The following TYW3 variants were observed in gnomAD, a reference collection of about 807,000 sequenced individuals.
TYW3 encodes tRNA wybutosine-synthesizing protein 3 homolog.
Under a neutral mutation model 23.1 loss-of-function variants are expected in TYW3, and 26 were observed. The observed-to-expected ratio is 1.13, with a 90% CI of 0.83 to 1.56. The LOEUF (loss-of-function observed/expected upper bound fraction) is 1.56, where lower values mean the gene tolerates loss of function less well. Among genes scored for constraint, TYW3 ranks in the 40% most tolerant of loss-of-function variants. The pLI, the probability that TYW3 is intolerant of heterozygous loss-of-function variation, is 0.00. For missense variants in TYW3, 316 were observed against 311.9 expected (o/e 1.01, Z -0.10); for synonymous variants, 102 against 105.7 (o/e 0.97, Z 0.21).
intron 4 of TYW3, among the ~76,000 whole-genome samples, chr1:74,749,752 G>A (rs1278899566): frequency 6.6e-6 from 1 of 151,918 alleles, no homozygotes; most frequent in African/African-American, 2.4e-5. Context: ...GAATCACGAG[G>A]TCAAGAGATC....
rs1253021018 is a variant in TYW3, at chr1:74,766,415, T to G, written c.*2302T>G. 1.3e-5 allele frequency: 2 copies of G among 152,120 alleles called. No homozygotes were observed. Among genetic ancestry groups the G allele is most frequent in the Admixed American group, 1.3e-4 (2 of 15,238 alleles). The allele number at this position is 152,120 out of a possible 1,614,324, so 9.4% of individuals were successfully genotyped here. On this transcript the variant is annotated 3_prime_UTR_variant, in exon 6 of 6. Coordinates refer to ENST00000370867, the MANE Select transcript of TYW3 (RefSeq NM_138467.3). ...ATGTGGAGGAGGAAGACAGTGATAC[T>G]GAGGATTCTGACCCTGTGTAGGCTT... is the stretch of plus-strand genomic sequence containing the variant.
chr1:74,736,885 C>A (rs1382640905), intron 2 of TYW3, among the ~76,000 whole-genome samples: 1 of 152,168 alleles, frequency 6.6e-6, no homozygotes, highest in Non-Finnish European at 1.5e-5. Context: ...CTATTGGATC[C>A]AAATTTTGAA....
intron 5 of TYW3, among the ~76,000 whole-genome samples, chr1:74,752,897 C>G (rs920360181): frequency 6.6e-6 from 1 of 151,012 alleles, no homozygotes; most frequent in African/African-American, 2.4e-5. Context: ...AGTTTAATAC[C>G]AAACTCTTGT....
chr1:74,750,682 C>T (rs1318056467), intron 4 of TYW3, among the ~76,000 whole-genome samples: 1 of 152,150 alleles, frequency 6.6e-6, no homozygotes, highest in African/African-American at 2.4e-5. Flanking sequence ...ACTTATGCTC[C>T]AGCTATATAG....
In TYW3 at chr1:74,765,999, A is replaced by C. The variant is rs893574031; in HGVS notation, c.*1886A>C. The C allele has an allele frequency of 6.6e-6, 1 of 151,984 alleles. No individual in the cohort carries two copies. Among genetic ancestry groups the C allele is most frequent in the Non-Finnish European group, 1.5e-5 (1 of 67,964 alleles). 9.4% of individuals were successfully genotyped at this position (151,984 alleles called of 1,614,324 possible). A position where few individuals can be genotyped will look rare whatever the true frequency, so the allele number is the denominator to read the frequency against. ...TCCTTAATATACATTCATGAGCTAC[A>C]TAACATTTTAATCATCAATGATGGA... On this transcript the variant is annotated 3_prime_UTR_variant, in exon 6 of 6. Transcript: ENST00000370867.
At chr1:74,763,218 C>G (rs963825845) in intron 5 of TYW3, among the ~76,000 whole-genome samples, 1 of 151,898 alleles carries the variant, frequency 6.6e-6, no homozygotes, top group Non-Finnish European at 1.5e-5. Flanking sequence ...ATGTTTATGC[C>G]TTTTAACGAT....
intron 4 of TYW3, among the ~76,000 whole-genome samples, chr1:74,749,445 ACTTGCTTT>A (rs1648699566): frequency 6.6e-6 from 1 of 152,152 alleles, no homozygotes; most frequent in Admixed American, 6.5e-5. Flanking sequence ...GATCTTTAAG[ACTTGCTTT>A]CTTTTTGAGT....
chr1:74,763,106 T>A (rs187441671), intron 5 of TYW3, among the ~76,000 whole-genome samples: 1 of 152,290 alleles, frequency 6.6e-6, no homozygotes, highest in Admixed American at 6.5e-5. Flanking sequence ...ATGGGAATAT[T>A]CAGTGTATAG....
chr1:74,764,997 A>G lies in TYW3; in HGVS notation c.*884A>G, dbSNP rs2100782356. The G allele has an allele frequency of 6.6e-6, 1 of 152,226 alleles. No homozygotes were observed. Among genetic ancestry groups the G allele is most frequent in the South Asian group, 2.1e-4 (1 of 4,810 alleles). 9.4% of individuals were successfully genotyped at this position (152,226 alleles called of 1,614,324 possible). A position where few individuals can be genotyped will look rare whatever the true frequency, so the allele number is the denominator to read the frequency against. On this transcript the variant is annotated 3_prime_UTR_variant, in exon 6 of 6. Transcript: ENST00000370867. Reference sequence around the variant, plus strand: ...TGGAGGTAGACAGTGTTTCCTTAATATGGCTGCATATCAGAATTACCTAGG... The same window carrying G: ...TGGAGGTAGACAGTGTTTCCTTAATGTGGCTGCATATCAGAATTACCTAGG...
chr1:74,747,277 A>C (rs1047442245), intron 3 of TYW3, among the ~76,000 whole-genome samples: 2 of 152,128 alleles, frequency 1.3e-5, no homozygotes, highest in Non-Finnish European at 2.9e-5. Context: ...AAGAAGTAGA[A>C]AGCATCGGGG....
intron 5 of TYW3, among the ~76,000 whole-genome samples, chr1:74,758,934 G>A (rs538120266): frequency 6.6e-6 from 1 of 152,284 alleles, no homozygotes; most frequent in African/African-American, 2.4e-5. Context: ...TTGAATTAAT[G>A]ATAAAAGATA....
intron 3 of TYW3, among the ~76,000 whole-genome samples, chr1:74,742,809 C>T (rs1301032086): frequency 6.6e-6 from 1 of 152,132 alleles, no homozygotes; most frequent in African/African-American, 2.4e-5. Context: ...ACAAAGTCTC[C>T]CAATCACAAC....
rs984719727 is a variant in TYW3, at chr1:74,733,418, G to C, written c.174G>C (p.Arg58=). Residue 58 remains arginine (R), a splice_region_variant and synonymous_variant, in exon 1 of 6, where the codon CGG becomes CGC. Transcript: ENST00000370867. ...SCAGRILLLD[R]GINGFEVQKQ... is the part of the protein sequence containing the mutation. ...CTGGCCGCATCCTACTCCTTGACCG[G>C]GTGAGGCCCCTTTGCGCCTGTCCAT... 1.2e-6 allele frequency: 2 copies of C among 1,614,082 alleles called. No homozygotes were observed. The highest frequency in any genetic ancestry group is 8.5e-7 in the Non-Finnish European group (1 of 1,180,000).
At chr1:74,763,062 C>A (rs961196016) in intron 5 of TYW3, among the ~76,000 whole-genome samples, 9 of 148,018 alleles carry the variant, frequency 6.1e-5, no homozygotes, top group Non-Finnish European at 1.2e-4. Context: ...AATGCGATAT[C>A]ATTTTCACCC....
At chr1:74,752,633 C>G (rs904216897) in intron 5 of TYW3, among the ~76,000 whole-genome samples, 6 of 152,036 alleles carry the variant, frequency 3.9e-5, no homozygotes, top group African/African-American at 9.7e-5. Flanking sequence ...ATGGAGCATA[C>G]GGGAGAGGCT....
Position 74,764,514 on chromosome 1 carries a change from A to G in TYW3, c.*401A>G. On this transcript the variant is annotated 3_prime_UTR_variant, in exon 6 of 6. Coordinates refer to ENST00000370867, the MANE Select transcript of TYW3 (RefSeq NM_138467.3). ...AGTAAAAAGACCTTTATTTTAAATAATAGTGGATATTTTAATGCTGGAAAT... is the reference window on the plus strand; with the variant it reads ...AGTAAAAAGACCTTTATTTTAAATAGTAGTGGATATTTTAATGCTGGAAAT... 6.5e-6 allele frequency: 1 copy of G among 154,770 alleles called. No homozygotes were observed. The highest frequency in any genetic ancestry group is 1.4e-5 in the Non-Finnish European group (1 of 69,790). The allele number at this position is 154,770 out of a possible 1,614,324, so 9.6% of individuals were successfully genotyped here.
At chr1:74,754,190 T>C (rs1290991257) in intron 5 of TYW3, among the ~76,000 whole-genome samples, 1 of 152,226 alleles carries the variant, frequency 6.6e-6, no homozygotes, top group Non-Finnish European at 1.5e-5. Flanking sequence ...GTTTCCTTTC[T>C]TGAATTTTAA....
chr1:74,745,528 C>T (rs553773014), intron 3 of TYW3, among the ~76,000 whole-genome samples: 45 of 152,016 alleles, frequency 3.0e-4, no homozygotes, highest in African/African-American at 9.7e-4. Context: ...AGACACAGAG[C>T]GCTGATTGGT....
chr1:74,736,683 T>C lies in TYW3; in HGVS notation c.255+61T>C. 4 of 1,306,546 alleles carry C rather than the reference T, an allele frequency of 3.1e-6. 1 individual carries two copies. In the South Asian group the frequency reaches 5.4e-5, roughly 18 times the overall value. 80.9% of individuals were successfully genotyped at this position (1,306,546 alleles called of 1,614,324 possible). ...TAAATTCAGTTACTTTAAATACATA[T>C]GACAAGAATAGAAAATTCAAGGTAA... On this transcript the variant is annotated intron_variant, in intron 2 of 5. Coordinates refer to ENST00000370867, the MANE Select transcript of TYW3 (RefSeq NM_138467.3).
Sources: gnomAD v4.1 joint callset for allele counts (sites outside exome capture counted in the v4.1 genomes callset) on GRCh38, gnomAD v4.1.1 for gene constraint, MANE v1.5 for transcripts, NCBI Gene and HGNC (gene_info 2026-07-23, HGNC 2026-07-21) for gene names.